Variants in CLYBL observed in about 807,000 individuals in gnomAD.
CLYBL encodes citramalyl-CoA lyase, mitochondrial.
CLYBL carries 31 observed loss-of-function variants against 38.9 expected under a neutral mutation model. The ratio of observed to expected loss-of-function variants is 0.80; its 90% CI spans 0.60 to 1.08. The LOEUF (loss-of-function observed/expected upper bound fraction) is 1.08, where lower values mean the gene tolerates loss of function less well. Among genes scored for constraint, CLYBL ranks in the 50% least tolerant of loss-of-function variants. The pLI is 0.00. For synonymous variants in CLYBL, 171 were observed against 158.6 expected, an observed-to-expected ratio of 1.08 and a Z score of -0.59; for missense variants, 434 against 411.6, an observed-to-expected ratio of 1.05 and a Z score of -0.47.
chr13:99,679,351 T>C (rs2047700333), intron 1 of CLYBL, among the ~76,000 whole-genome samples: 1 of 151,152 alleles, frequency 6.6e-6, no homozygotes, highest in Non-Finnish European at 1.5e-5. Context: ...GTACCAAAAT[T>C]GTATAAGCTA....
chr13:99,620,281 G>GT (rs1217574204), intron 1 of CLYBL, among the ~76,000 whole-genome samples: 1 of 152,154 alleles, frequency 6.6e-6, no homozygotes, highest in East Asian at 1.9e-4. Flanking sequence ...ACCTCTTTCA[G>GT]TTTTTTTCTG....
intron 9 of CLYBL, among the ~76,000 whole-genome samples, chr13:99,905,432 G>C (rs1038948242): frequency 2.6e-5 from 4 of 152,210 alleles, no homozygotes; most frequent in African/African-American, 9.7e-5. Context: ...CACTGTGTTA[G>C]TGACTGGCCA....
At chr13:99,863,556 T>G (rs1347623561) in intron 4 of CLYBL, among the ~76,000 whole-genome samples, 2 of 152,252 alleles carry the variant, frequency 1.3e-5, no homozygotes, top group African/African-American at 4.8e-5. Context: ...TGTAAGTTCA[T>G]GCACACAAAT....
intron 2 of CLYBL, among the ~76,000 whole-genome samples, chr13:99,843,250 A>C (rs2051126558): frequency 6.6e-6 from 1 of 152,116 alleles, no homozygotes; most frequent in Non-Finnish European, 1.5e-5. Flanking sequence ...AGACAAAAGG[A>C]CTCTAAGATG....
intron 9 of CLYBL, among the ~76,000 whole-genome samples, chr13:99,906,934 G>T (rs377033255): frequency 6.6e-6 from 1 of 152,120 alleles, no homozygotes; most frequent in African/African-American, 2.4e-5. Context: ...GACCCTTTGC[G>T]TCTACATCTG....
chr13:99,905,447 G>A (rs1016174257), intron 9 of CLYBL, among the ~76,000 whole-genome samples: 1 of 152,100 alleles, frequency 6.6e-6, no homozygotes, highest in Non-Finnish European at 1.5e-5. Flanking sequence ...TGGCCAAAAG[G>A]GTGTCTTGAA....
At chr13:99,883,579 TTTAA>T (rs1260117933) in intron 7 of CLYBL, among the ~76,000 whole-genome samples, 1 of 151,994 alleles carries the variant, frequency 6.6e-6, no homozygotes, top group Admixed American at 6.6e-5. Flanking sequence ...TCCAGATTGC[TTTAA>T]TTTAGGCTGG....
At chr13:99,618,757 T>C (rs1189464963) in intron 1 of CLYBL, among the ~76,000 whole-genome samples, 2 of 152,200 alleles carry the variant, frequency 1.3e-5, no homozygotes, top group African/African-American at 2.4e-5. Context: ...CTCATTATTT[T>C]CACTGTGAAT....
intron 6 of CLYBL, among the ~76,000 whole-genome samples, chr13:99,866,750 TG>T (rs1258488937): frequency 6.6e-6 from 1 of 152,140 alleles, no homozygotes; most frequent in Non-Finnish European, 1.5e-5. Flanking sequence ...ATAAGAATTT[TG>T]GTTGATGGAC....
chr13:99,733,828 C>G (rs1326666175), intron 1 of CLYBL, among the ~76,000 whole-genome samples: 1 of 152,260 alleles, frequency 6.6e-6, no homozygotes, highest in East Asian at 1.9e-4. Flanking sequence ...CAGCTTCCAT[C>G]TCCCTGTCTG....
At chr13:99,898,544 G>A (rs1348445805), downstream of CLYBL, among the ~76,000 whole-genome samples, 1 of 152,096 alleles carries the variant, frequency 6.6e-6, no homozygotes, top group Non-Finnish European at 1.5e-5. Flanking sequence ...TGGCTCTCGG[G>A]AGCTTCTCCC....
At chr13:99,647,389 T>A (rs961166106) in intron 1 of CLYBL, among the ~76,000 whole-genome samples, 3 of 151,982 alleles carry the variant, frequency 2.0e-5, no homozygotes, top group Admixed American at 6.6e-5. Flanking sequence ...AATTCCATAG[T>A]ATCTAAGGCC....
chr13:99,675,251 A>G (rs143933965), intron 1 of CLYBL, among the ~76,000 whole-genome samples: 5 of 152,328 alleles, frequency 3.3e-5, no homozygotes, highest in Admixed American at 2.0e-4. Context: ...TGTCACATAC[A>G]TAAAGGGGAC....
At chr13:99,682,777 C>T (rs1011095386) in intron 1 of CLYBL, among the ~76,000 whole-genome samples, 1 of 152,052 alleles carries the variant, frequency 6.6e-6, no homozygotes, top group Non-Finnish European at 1.5e-5. Flanking sequence ...CATTCTGTCA[C>T]CCAGGCTGGA....
chr13:99,774,867 C>T (rs1317148579), intron 2 of CLYBL, among the ~76,000 whole-genome samples: 2 of 152,140 alleles, frequency 1.3e-5, no homozygotes, highest in African/African-American at 4.8e-5. Flanking sequence ...TTTCAGTATG[C>T]TCCTTCCCAT....
chr13:99,855,847 T>G (rs1355175958), intron 2 of CLYBL, among the ~76,000 whole-genome samples: 1 of 152,104 alleles, frequency 6.6e-6, no homozygotes, highest in Admixed American at 6.6e-5. Flanking sequence ...TGTTGAGTGT[T>G]TTGGGATATA....
At chr13:99,733,256 G>C (rs1405722032) in intron 1 of CLYBL, among the ~76,000 whole-genome samples, 1 of 151,476 alleles carries the variant, frequency 6.6e-6, no homozygotes, top group African/African-American at 2.4e-5. Context: ...TAGTAGAGAT[G>C]AGTAGAGAAC....
At chr13:99,686,029 C>A (rs1029666113) in intron 1 of CLYBL, among the ~76,000 whole-genome samples, 1 of 152,094 alleles carries the variant, frequency 6.6e-6, no homozygotes, top group Admixed American at 6.6e-5. Flanking sequence ...GCTGTGATTC[C>A]TGCTATACAG....
chr13:99,625,806 G>T (rs1176935464), intron 1 of CLYBL, among the ~76,000 whole-genome samples: 1 of 152,194 alleles, frequency 6.6e-6, no homozygotes, highest in Non-Finnish European at 1.5e-5. Flanking sequence ...TGCCTCCCAG[G>T]CTCTGAGTCC....
Sources: gnomAD v4.1 joint callset for allele counts (sites outside exome capture counted in the v4.1 genomes callset) on GRCh38, gnomAD v4.1.1 for gene constraint, MANE v1.5 for transcripts, NCBI Gene and HGNC (gene_info 2026-07-23, HGNC 2026-07-21) for gene names.